The following TRPC7 variants were observed in gnomAD, a reference collection of about 807,000 sequenced individuals.
TRPC7 encodes the protein transient receptor potential cation channel subfamily C member 7, also known as short transient receptor potential channel 7.
TRPC7 carries 42 observed loss-of-function variants against 90.1 expected under a neutral mutation model. The ratio of observed to expected loss-of-function variants is 0.47; its 90% CI spans 0.36 to 0.60. The LOEUF is 0.60. Ranked by LOEUF, TRPC7 falls within the 20% of genes least tolerant of loss-of-function variation. TRPC7 has a pLI of 0.00. For synonymous variants in TRPC7, 451 were observed against 436.3 expected (o/e 1.03, Z -0.42); for missense variants, 955 against 1,112.3 (o/e 0.86, Z 2.01).
At chr5:136,299,716 C>T (rs1186204350) in intron 3 of TRPC7, among the ~76,000 whole-genome samples, 1 of 151,988 alleles carries the variant, frequency 6.6e-6, no homozygotes, top group Non-Finnish European at 1.5e-5. Context: ...AGCTGAACTA[C>T]CAGAGTTAGT....
At chr5:136,259,955 A>G (rs565451948) in intron 5 of TRPC7, among the ~76,000 whole-genome samples, 1 of 152,378 alleles carries the variant, frequency 6.6e-6, no homozygotes, top group African/African-American at 2.4e-5. Context: ...GATACCTTAA[A>G]TATCCTGGAA....
At chr5:136,235,425 C>T (rs569987266) in intron 7 of TRPC7, among the ~76,000 whole-genome samples, 40 of 152,114 alleles carry the variant, frequency 2.6e-4, no homozygotes, top group Non-Finnish European at 5.9e-4. Context: ...CTTGTGTTGC[C>T]TTGACCTTGG....
At position 136,357,321 on chromosome 5, in the gene TRPC7, G is replaced by A. The variant is rs1344772983; in HGVS notation, c.67C>T (p.Arg23Cys). 3 of 1,607,740 alleles carry A rather than the reference G, an allele frequency of 1.9e-6. No individual in the cohort carries two copies. The highest frequency in any genetic ancestry group is 2.2e-5 in the East Asian group (1 of 44,878). Residue 23 changes from arginine (R) to cysteine (C), a missense_variant, in exon 2 of 12, where the codon CGC becomes TGC. This residue lies in a region of TRPC7 where 161 missense variants were observed against 145.7 expected (regional missense o/e 1.10). Coordinates refer to ENST00000513104, the MANE Select transcript of TRPC7 (RefSeq NM_020389.3). ...RHTTLREKGR[R>C]QAIRGPAYMF... ...TAGGCGGGACCCCGGATGGCCTGGC[G>A]ACGGCCCTTCTCCCTCAGCGTTGTG...
chr5:136,235,322 T>G (rs897479684), intron 7 of TRPC7, among the ~76,000 whole-genome samples: 1 of 152,212 alleles, frequency 6.6e-6, no homozygotes, highest in Non-Finnish European at 1.5e-5. Context: ...AGCTCTACAA[T>G]GAACTTACGA....
intron 1 of TRPC7, among the ~76,000 whole-genome samples, chr5:136,364,850 T>A (rs766227326): frequency 7.2e-5 from 11 of 152,186 alleles, no homozygotes; most frequent in Non-Finnish European, 1.3e-4. Context: ...TGGCTACTTA[T>A]TAGAATATAA....
intron 3 of TRPC7, among the ~76,000 whole-genome samples, chr5:136,308,906 T>C (rs944627642): frequency 2.0e-5 from 3 of 152,202 alleles, no homozygotes; most frequent in African/African-American, 7.2e-5. Flanking sequence ...ACAAGTTCTA[T>C]TAATAGTTTC....
intron 11 of TRPC7, 76 bp downstream of exon 11, chr5:136,216,124 G>A (rs1755258482): frequency 8.1e-7 from 1 of 1,232,112 alleles, no homozygotes; most frequent in Non-Finnish European, 1.2e-6. Context: ...TGACAACACT[G>A]TGGCCGTAGC....
chr5:136,231,669 A>G (rs1580843786), intron 7 of TRPC7, 120 bp from the exon 8 acceptor site: 3 of 910,174 alleles, frequency 3.3e-6, no homozygotes, highest in Non-Finnish European at 3.3e-6. Flanking sequence ...CAGTGGCTCA[A>G]TCATGGCTCA....
chr5:136,342,025 A>AT (rs367626151), intron 2 of TRPC7, among the ~76,000 whole-genome samples: 2 of 151,396 alleles, frequency 1.3e-5, no homozygotes, highest in African/African-American at 2.4e-5. Flanking sequence ...GCCCTTACCA[A>AT]TTTTTTTTTA....
At position 136,242,562 on chromosome 5, in the gene TRPC7, A is replaced by T. The variant is rs1048823544; in HGVS notation, c.1844+4909T>A. On this transcript the variant is annotated intron_variant, in intron 7 of 11. Coordinates refer to ENST00000513104, the MANE Select transcript of TRPC7 (RefSeq NM_020389.3). Reference sequence around the variant, plus strand: ...TCTTCAGTAGCTTGTGCTTAAAAAAAATTGCCTGCATAGAGCCTGAAATCC... The same window carrying T: ...TCTTCAGTAGCTTGTGCTTAAAAAATATTGCCTGCATAGAGCCTGAAATCC... 2.0e-5 allele frequency among the ~76,000 whole-genome samples: 3 copies of T among 152,338 alleles called. No homozygotes were observed. In the East Asian group the frequency reaches 5.8e-4, roughly 29 times the overall value.
At chr5:136,305,400 G>A (rs1758581587) in intron 3 of TRPC7, among the ~76,000 whole-genome samples, 1 of 152,052 alleles carries the variant, frequency 6.6e-6, no homozygotes. Flanking sequence ...TTTCCATTGT[G>A]GAAATCTATC....
chr5:136,228,568 G>A (rs1224218097), intron 8 of TRPC7, among the ~76,000 whole-genome samples: 1 of 151,116 alleles, frequency 6.6e-6, no homozygotes, highest in Non-Finnish European at 1.5e-5. Context: ...GGGATGAGCA[G>A]AATGGAGCAG....
intron 4 of TRPC7, among the ~76,000 whole-genome samples, chr5:136,267,840 T>A: frequency 6.6e-6 from 1 of 152,200 alleles, no homozygotes; most frequent in African/African-American, 2.4e-5. Context: ...CATATGACAC[T>A]AGGAATAACT....
At chr5:136,354,351 A>G (rs373052879) in intron 2 of TRPC7, among the ~76,000 whole-genome samples, 15 of 152,336 alleles carry the variant, frequency 9.8e-5, no homozygotes, top group African/African-American at 3.6e-4. Flanking sequence ...AGACCATACA[A>G]TGTAGGATTT....
At chr5:136,266,024 T>C (rs904950869) in intron 5 of TRPC7, among the ~76,000 whole-genome samples, 196 bp downstream of exon 5, 1 of 152,214 alleles carries the variant, frequency 6.6e-6, no homozygotes, top group African/African-American at 2.4e-5. Flanking sequence ...ACATTTCCTT[T>C]CAAAATTGGA....
chr5:136,220,226 A>C (rs540919978), intron 10 of TRPC7, among the ~76,000 whole-genome samples: 1 of 152,360 alleles, frequency 6.6e-6, no homozygotes, highest in African/African-American at 2.4e-5. Flanking sequence ...CGATTTTCAG[A>C]GAACAAGGGA....
rs1380636273 is a variant in TRPC7 at position 136,251,670 on chromosome 5, C to A, written c.1558G>T (p.Glu520Ter). ...DTLHNVSLPP[E>*]VAYFTYARDK... ...TCACCGTAGGTGAAGTATGCCACTT[C>A]CGGCGGAAGCGAGACATTGTGCAGC... The change falls in exon 6 of 12, where the codon GAA becomes TAA. Residue 520 changes from glutamate (E) to a stop codon, truncating the protein, a stop_gained. Transcript: ENST00000513104. LOFTEE classifies it high-confidence loss of function. 1 of 1,608,802 alleles carries A rather than the reference C, an allele frequency of 6.2e-7. No individual in the cohort carries two copies. The highest frequency in any genetic ancestry group is 1.1e-5 in the South Asian group (1 of 90,764).
Position 136,273,373 on chromosome 5 carries a change from C to T in TRPC7, c.1128+1300G>A, listed in dbSNP as rs78010995. Among the ~76,000 whole-genome samples, 147 of 152,288 alleles carry T rather than the reference C, an allele frequency of 9.7e-4. 1 individual carries two copies. In the East Asian group the frequency reaches 0.027, roughly 28 times the overall value. On this transcript the variant is annotated intron_variant, in intron 4 of 11. Transcript: ENST00000513104. ...TATATATTACTTGGGAAATTCTGAT[C>T]TGAAAGTGCCTGGCATGATAAACTG...
chr5:136,329,339 C>G (rs1759431868), intron 2 of TRPC7, among the ~76,000 whole-genome samples: 1 of 152,116 alleles, frequency 6.6e-6, no homozygotes. Flanking sequence ...GAATGTAAAC[C>G]TACTAAAAGA....
Sources: gnomAD v4.1 joint callset for allele counts (sites outside exome capture counted in the v4.1 genomes callset) on GRCh38, gnomAD v4.1.1 for gene constraint, gnomAD v4.1.1 regional missense constraint, MANE v1.5 for transcripts, NCBI Gene and HGNC (gene_info 2026-07-23, HGNC 2026-07-21) for gene names.